Variants in SPEF2 observed in about 807,000 individuals in gnomAD.
SPEF2 encodes sperm flagella and cilia-associated protein 2.
In SPEF2, 187 loss-of-function variants were observed where a neutral mutation model predicts 224.6. That is an observed-to-expected ratio of 0.83 (90% CI 0.74 to 0.94). The LOEUF (loss-of-function observed/expected upper bound fraction) is 0.94. SPEF2 is among the 40% of genes least tolerant of loss of function. The pLI is 0.00. For missense variants in SPEF2, 2,170 were observed against 2,135.6 expected (o/e 1.02, Z -0.32); for synonymous variants, 715 against 707.3 (o/e 1.01, Z -0.17).
intron 26 of SPEF2, among the ~76,000 whole-genome samples, chr5:35,767,365 A>G (rs1561332328): frequency 6.6e-6 from 1 of 151,824 alleles, no homozygotes; most frequent in Admixed American, 6.6e-5. Flanking sequence ...TTTCATTTTC[A>G]TCTTCTCTGT....
At chr5:35,797,505 G>A (rs1464027516) in intron 33 of SPEF2, among the ~76,000 whole-genome samples, 2 of 152,134 alleles carry the variant, frequency 1.3e-5, no homozygotes, top group Non-Finnish European at 2.9e-5. Context: ...TTTACAAGCT[G>A]TGAGGTATCC....
rs751543634 is a variant in SPEF2, at chr5:35,779,107, C to T, written c.4218-10C>T. 1.1e-5 allele frequency: 18 copies of T among 1,601,932 alleles called. No individual in the cohort carries two copies. The Admixed American group carries it at 2.7e-4, about 24-fold the overall frequency. On this transcript the variant is annotated splice_polypyrimidine_tract_variant and intron_variant, in intron 29 of 36. Coordinates refer to ENST00000356031, the MANE Select transcript of SPEF2 (RefSeq NM_024867.4). ...CATGGGGTTAACGCTATCCATTTTA[C>T]CACTTTCAGTACAGAAAAATTAACT...
At chr5:35,671,470 A>C in intron 10 of SPEF2, 2 of 981,848 alleles carry the variant, frequency 2.0e-6, no homozygotes, top group Non-Finnish European at 2.4e-6. Context: ...TAGACCTATT[A>C]CATCCACCTA....
chr5:35,751,066 T>TACATATATATATACGTATATATATAC (rs70973059), intron 23 of SPEF2, among the ~76,000 whole-genome samples: 1 of 32,526 alleles, frequency 3.1e-5, no homozygotes, highest in African/African-American at 1.0e-4. Context: ...CGTATATATA[T>TACATATATATATACGTATATATATAC]GTATATATAT....
chr5:35,634,830 C>T (rs757822680), intron 2 of SPEF2, among the ~76,000 whole-genome samples: 3 of 151,880 alleles, frequency 2.0e-5, no homozygotes, highest in Non-Finnish European at 4.4e-5. Context: ...AATTAATGAG[C>T]CAATATTTGT....
Position 35,654,746 on chromosome 5 carries a change from G to C in SPEF2, c.978+20G>C. The C allele has an allele frequency of 6.3e-7, 1 of 1,591,440 alleles. No homozygotes were observed. The highest frequency in any genetic ancestry group is 8.5e-7 in the Non-Finnish European group (1 of 1,172,016). Reference sequence around the variant, plus strand: ...CAAGAGGTAAGATATTTAGATGAAGGTTAAGTAATAGTGCTGGGAATTCTA... The same window carrying C: ...CAAGAGGTAAGATATTTAGATGAAGCTTAAGTAATAGTGCTGGGAATTCTA... On this transcript the variant is annotated intron_variant, in intron 7 of 36. Transcript: ENST00000356031.
At chr5:35,633,349 T>A in intron 2 of SPEF2, among the ~76,000 whole-genome samples, 1 of 152,214 alleles carries the variant, frequency 6.6e-6, no homozygotes, top group Non-Finnish European at 1.5e-5. Context: ...AATTGTTATG[T>A]CTTCTTGAGG....
At chr5:35,684,719 AAAGC>A (rs1242253574) in intron 10 of SPEF2, among the ~76,000 whole-genome samples, 1 of 152,226 alleles carries the variant, frequency 6.6e-6, no homozygotes, top group Non-Finnish European at 1.5e-5. Flanking sequence ...ATGAGGGTGC[AAAGC>A]AAGCAAGTAG....
intron 25 of SPEF2, among the ~76,000 whole-genome samples, chr5:35,760,742 C>G (rs930546186): frequency 6.6e-6 from 1 of 152,106 alleles, no homozygotes; most frequent in Admixed American, 6.5e-5. Flanking sequence ...AAATTCTGAA[C>G]AGATAGAAAA....
intron 2 of SPEF2, among the ~76,000 whole-genome samples, chr5:35,636,472 C>G (rs999844276): frequency 5.3e-4 from 80 of 152,258 alleles, no homozygotes; most frequent in African/African-American, 1.8e-3. Flanking sequence ...CATCTCATTC[C>G]TAGGTCTTCC....
Position 35,774,655 on chromosome 5 carries a change from T to C in SPEF2, c.4078+634T>C, listed in dbSNP as rs188088004. Reference sequence around the variant, plus strand: ...AAAAGATCAGGAAACTGAGCAAACATATCCTAAGGGAAAAAAACACGGTCA... The same window carrying C: ...AAAAGATCAGGAAACTGAGCAAACACATCCTAAGGGAAAAAAACACGGTCA... On this transcript the variant is annotated intron_variant, in intron 28 of 36. Coordinates refer to ENST00000356031, the MANE Select transcript of SPEF2 (RefSeq NM_024867.4). Among the ~76,000 whole-genome samples, 166 of 152,226 alleles carry C rather than the reference T, an allele frequency of 1.1e-3. 1 individual carries two copies. Among genetic ancestry groups the C allele is most frequent in the African/African-American group, 3.9e-3 (160 of 41,552 alleles).
intron 10 of SPEF2, among the ~76,000 whole-genome samples, chr5:35,679,372 G>A (rs1024377838): frequency 6.6e-6 from 1 of 152,144 alleles, no homozygotes; most frequent in Non-Finnish European, 1.5e-5. Flanking sequence ...GCATGCCAAT[G>A]ATCAAAACTG....
At chr5:35,685,879 C>A (rs1229459304) in intron 10 of SPEF2, among the ~76,000 whole-genome samples, 1 of 149,770 alleles carries the variant, frequency 6.7e-6, no homozygotes, top group East Asian at 2.0e-4. Flanking sequence ...AAAAAAAAAT[C>A]TAACTGACTT....
intron 26 of SPEF2, among the ~76,000 whole-genome samples, chr5:35,768,897 G>A (rs1018321946): frequency 6.6e-6 from 1 of 152,114 alleles, no homozygotes; most frequent in Non-Finnish European, 1.5e-5. Flanking sequence ...CTACACAGCA[G>A]TTTTACCAGG....
intron 30 of SPEF2, among the ~76,000 whole-genome samples, chr5:35,783,354 C>A (rs1426083420): frequency 6.6e-6 from 1 of 152,036 alleles, no homozygotes; most frequent in Non-Finnish European, 1.5e-5. Flanking sequence ...GCCTCAGTTA[C>A]CACATCTGTA....
chr5:35,720,478 G>A (rs1208019837), intron 20 of SPEF2, among the ~76,000 whole-genome samples: 2 of 152,152 alleles, frequency 1.3e-5, no homozygotes, highest in Admixed American at 1.3e-4. Context: ...GTGTTTGAGA[G>A]CATCTGTTAA....
chr5:35,738,696 T>C (rs1164231846), intron 21 of SPEF2, among the ~76,000 whole-genome samples: 1 of 151,646 alleles, frequency 6.6e-6, no homozygotes, highest in African/African-American at 2.4e-5. Flanking sequence ...TTGTGCAAGC[T>C]GAACCAATTG....
rs1246419418 is a variant in SPEF2 at position 35,761,966 on chromosome 5, C to T, written c.3621-1556C>T. ...ATATATCAACCAACTAACCTATCAA[C>T]CTGTCATATATAAAGGGAAACAAGA... is the stretch of plus-strand genomic sequence containing the variant. On this transcript the variant is annotated intron_variant, in intron 25 of 36. Coordinates refer to ENST00000356031, the MANE Select transcript of SPEF2 (RefSeq NM_024867.4). Among the ~76,000 whole-genome samples the T allele has an allele frequency of 3.9e-5, 6 of 152,230 alleles. No individual in the cohort carries two copies. The East Asian group carries it at 7.7e-4, about 20-fold the overall frequency.
At chr5:35,676,010 C>G (rs1238663564) in intron 10 of SPEF2, 2 of 456,084 alleles carry the variant, frequency 4.4e-6, no homozygotes, top group African/African-American at 4.0e-5. Flanking sequence ...CATTTGAAAA[C>G]CATGGTAGAA....
Sources: gnomAD v4.1 joint callset for allele counts (sites outside exome capture counted in the v4.1 genomes callset) on GRCh38, gnomAD v4.1.1 for gene constraint, MANE v1.5 for transcripts, NCBI Gene and HGNC (gene_info 2026-07-23, HGNC 2026-07-21) for gene names.